The following LRRC37A2 variants were observed in gnomAD, a reference collection of about 807,000 sequenced individuals.
The protein encoded by LRRC37A2 is leucine-rich repeat-containing protein 37A2.
A neutral mutation model predicts 68.8 loss-of-function variants in LRRC37A2; 9 were observed. The observed-to-expected ratio is 0.13, with a 90% CI of 0.08 to 0.23. The LOEUF (loss-of-function observed/expected upper bound fraction) is 0.23, where lower values mean the gene tolerates loss of function less well. Among genes scored for constraint, LRRC37A2 ranks in the 10% least tolerant of loss-of-function variants. The pLI is 1.00. For missense variants in LRRC37A2, 168 were observed against 950.4 expected (o/e 0.18, Z 10.82); for synonymous variants, 63 against 367.6 (o/e 0.17, Z 9.48).
At chr17:46,900,143 A>G in the LRRC37A2 span, among the ~76,000 whole-genome samples, 1 of 126,788 alleles carries the variant, frequency 7.9e-6, no homozygotes, top group Non-Finnish European at 1.6e-5. Context: ...ACCTCCTCCC[A>G]TCCTTTTCTA....
chr17:46,909,125 C>T, the LRRC37A2 span, among the ~76,000 whole-genome samples: 2 of 152,168 alleles, frequency 1.3e-5, no homozygotes, highest in African/African-American at 2.4e-5. Flanking sequence ...ATACATGGCT[C>T]ACTGCAGCCT....
chr17:46,945,314 G>A, the LRRC37A2 span, among the ~76,000 whole-genome samples: 1 of 152,308 alleles, frequency 6.6e-6, no homozygotes, highest in African/African-American at 2.4e-5. Context: ...ATGCTGCTGA[G>A]ATGCTACTGA....
At chr17:46,835,462 C>T in the LRRC37A2 span, among the ~76,000 whole-genome samples, 4 of 152,180 alleles carry the variant, frequency 2.6e-5, no homozygotes, top group South Asian at 2.1e-4. Flanking sequence ...CCACCCACCT[C>T]GGCCTCTCAA....
chr17:46,854,998 TCAGAGCCATTTCTC>T, the LRRC37A2 span, among the ~76,000 whole-genome samples: 1 of 152,180 alleles, frequency 6.6e-6, no homozygotes, highest in Non-Finnish European at 1.5e-5. Flanking sequence ...CATCTGATCC[TCAGAGCCATTTCTC>T]CAGAGCCATG....
At chr17:46,918,624 CACACACACACACACAT>C in the LRRC37A2 span, among the ~76,000 whole-genome samples, 23 of 147,394 alleles carry the variant, frequency 1.6e-4, no homozygotes, top group East Asian at 9.7e-4. Context: ...CACACACACA[CACACACACACACACAT>C]ACAATTTCCC....
the LRRC37A2 span, chr17:46,998,671 C>T: frequency 6.6e-6 from 1 of 152,290 alleles, no homozygotes; most frequent in Non-Finnish European, 1.5e-5. Context: ...CTTCCCCCCA[C>T]AAAACATGGG....
At chr17:46,714,003 T>C in the LRRC37A2 span, 1 of 1,595,160 alleles carries the variant, frequency 6.3e-7, no homozygotes. Context: ...AGATTTTACT[T>C]TCATTTTAAT....
intron 6 of LRRC37A2, among the ~76,000 whole-genome samples, chr17:46,539,768 CAAAAAAA>C (rs1204528686): frequency 1.9e-4 from 13 of 67,030 alleles, no homozygotes; most frequent in East Asian, 3.6e-4. Context: ...GACTCCATCT[CAAAAAAA>C]AAAAAAAAAA....
chr17:47,015,071 G>A, the LRRC37A2 span, among the ~76,000 whole-genome samples: 1 of 135,850 alleles, frequency 7.4e-6, no homozygotes, highest in African/African-American at 2.8e-5. Flanking sequence ...GCAGTGGTAC[G>A]ATCTCAGCTC....
At chr17:46,838,502 C>A in the LRRC37A2 span, among the ~76,000 whole-genome samples, 4 of 151,894 alleles carry the variant, frequency 2.6e-5, no homozygotes, top group South Asian at 8.4e-4. Context: ...TGGTATTCGC[C>A]CATAATCCTA....
chr17:46,979,077 C>G, the LRRC37A2 span: 1 of 1,309,184 alleles, frequency 7.6e-7, no homozygotes, highest in African/African-American at 1.6e-5. Flanking sequence ...GGTCCGCGCT[C>G]TCAGGGACGC....
At chr17:46,968,097 G>A in the LRRC37A2 span, among the ~76,000 whole-genome samples, 1 of 152,128 alleles carries the variant, frequency 6.6e-6, no homozygotes, top group Non-Finnish European at 1.5e-5. Context: ...GCATGGCCCA[G>A]TGCAGACCCT....
At chr17:46,959,218 A>G in the LRRC37A2 span, among the ~76,000 whole-genome samples, 1 of 152,094 alleles carries the variant, frequency 6.6e-6, no homozygotes, top group African/African-American at 2.4e-5. Context: ...AGATGGACAG[A>G]CTGACTGTGA....
the LRRC37A2 span, among the ~76,000 whole-genome samples, chr17:46,747,278 A>G: frequency 6.6e-6 from 1 of 152,124 alleles, no homozygotes; most frequent in Non-Finnish European, 1.5e-5. Context: ...GCAATCTATA[A>G]TATTCACAAG....
At chr17:46,783,550 G>A in the LRRC37A2 span, among the ~76,000 whole-genome samples, 3 of 152,312 alleles carry the variant, frequency 2.0e-5, no homozygotes, top group Admixed American at 6.5e-5. Flanking sequence ...ACTAGGTCTG[G>A]GCACTGTGGG....
chr17:46,638,766 C>G, the LRRC37A2 span, among the ~76,000 whole-genome samples: 1 of 121,014 alleles, frequency 8.3e-6, no homozygotes, highest in African/African-American at 3.6e-5. Context: ...CCTCGGCCTC[C>G]CAAAGTGCTG....
the LRRC37A2 span, among the ~76,000 whole-genome samples, chr17:46,831,894 G>C: frequency 2.6e-5 from 4 of 152,244 alleles, no homozygotes; most frequent in Non-Finnish European, 4.4e-5. Flanking sequence ...CGTGATCCCT[G>C]AGGCCAACAC....
At chr17:46,583,348 T>G in the LRRC37A2 span, among the ~76,000 whole-genome samples, 1 of 77,588 alleles carries the variant, frequency 1.3e-5, no homozygotes, top group East Asian at 2.4e-4. Context: ...CAGGCTGGAG[T>G]GCGGTGGCAC....
At chr17:46,737,446 C>T in the LRRC37A2 span, among the ~76,000 whole-genome samples, 1 of 152,190 alleles carries the variant, frequency 6.6e-6, no homozygotes, top group African/African-American at 2.4e-5. Context: ...AACCCTAACG[C>T]TGAACAAGAG....
Sources: gnomAD v4.1 joint callset for allele counts (sites outside exome capture counted in the v4.1 genomes callset) on GRCh38, gnomAD v4.1.1 for gene constraint, MANE v1.5 for transcripts, NCBI Gene and HGNC (gene_info 2026-07-23, HGNC 2026-07-21) for gene names.